Variants in NYNRIN observed in about 807,000 individuals in gnomAD.
The protein encoded by NYNRIN is protein NYNRIN.
NYNRIN carries 86 observed loss-of-function variants against 146.6 expected under a neutral mutation model. The ratio of observed to expected loss-of-function variants is 0.59; its 90% CI spans 0.49 to 0.70. NYNRIN has a LOEUF of 0.70. NYNRIN is among the 30% of genes least tolerant of loss of function. The probability of loss-of-function intolerance (pLI) is 0.00; values close to 1 mark genes in which losing one functional copy is unlikely to be tolerated. For missense variants in NYNRIN, 2,191 were observed against 2,377.7 expected (o/e 0.92, Z 1.63); for synonymous variants, 1,027 against 1,001.3 (o/e 1.03, Z -0.48).
rs1327837666 is a variant in NYNRIN at position 24,414,745 on chromosome 14, G to T, written c.2996G>T (p.Arg999Met). The T allele has an allele frequency of 6.2e-7, 1 of 1,613,724 alleles. No individual in the cohort carries two copies. Among genetic ancestry groups the T allele is most frequent in the Admixed American group, 1.7e-5 (1 of 59,998 alleles). Residue 999 changes from arginine (R) to methionine (M), a missense_variant, in exon 9 of 9, where the codon AGG becomes ATG. Physicochemically the swap from Arg to Met is moderately conservative, Grantham distance 91 (BLOSUM62 -1). Around this residue, in one of 3 missense-constraint regions of NYNRIN, gnomAD observed 1,291 missense variants for 1,417.0 expected, o/e 0.91. Coordinates refer to ENST00000382554, the MANE Select transcript of NYNRIN (RefSeq NM_025081.3). ...MEEVREEKEE[R>M]QDEEQRQGQG... ...GAAGTCAGGGAAGAGAAGGAGGAGA[G>T]GCAGGATGAGGAGCAGAGACAGGGG... is the stretch of plus-strand genomic sequence containing the variant.
intron 2 of NYNRIN, among the ~76,000 whole-genome samples, chr14:24,401,006 C>A (rs1221390880): frequency 1.3e-5 from 2 of 152,180 alleles, no homozygotes; most frequent in East Asian, 3.9e-4. Flanking sequence ...CCAGGTTGGT[C>A]TTGAACTCCT....
chr14:24,412,693 TGA>T (rs1017020464), intron 6 of NYNRIN: 76 of 249,164 alleles, frequency 3.1e-4, no homozygotes, highest in African/African-American at 1.7e-3. Flanking sequence ...TGGACGAATG[TGA>T]GTTTCTGTGT....
chr14:24,417,811 T>G lies in NYNRIN; in HGVS notation c.*365T>G. 4.5e-6 allele frequency: 1 copy of G among 219,824 alleles called. No homozygotes were observed. Among genetic ancestry groups the G allele is most frequent in the Non-Finnish European group, 9.0e-6 (1 of 111,204 alleles). The allele number at this position is 219,824 out of a possible 1,614,324, so 13.6% of individuals were successfully genotyped here. A position where few individuals can be genotyped will look rare whatever the true frequency, so the allele number is the denominator to read the frequency against. ...GTGCACACACACTCACGAAAGAATC[T>G]ATCTTGGCCATGAAACTGTGGCTGT... On this transcript the variant is annotated 3_prime_UTR_variant, in exon 9 of 9. Coordinates refer to ENST00000382554, the MANE Select transcript of NYNRIN (RefSeq NM_025081.3).
At position 24,409,684 on chromosome 14, in the gene NYNRIN, G is replaced by A. The variant is rs867633221; in HGVS notation, c.1890G>A (p.Met630Ile). ...TTPKTPQAQK[M>I]PVAKTSPAGP... Reference sequence around the variant, plus strand: ...CAAAAACTCCCCAGGCTCAGAAGATGCCTGTAGCAAAAACATCACCTGCAG... The same window carrying A: ...CAAAAACTCCCCAGGCTCAGAAGATACCTGTAGCAAAAACATCACCTGCAG... Residue 630 changes from methionine to isoleucine, a missense_variant, in exon 4 of 9, where the codon ATG (methionine) becomes ATA (isoleucine). Physicochemically the swap from Met to Ile is conservative, Grantham distance 10. This residue lies in a region of NYNRIN where 895 missense variants were observed against 941.2 expected (regional missense o/e 0.95). Transcript: ENST00000382554. 5 of 1,606,188 alleles carry A rather than the reference G, an allele frequency of 3.1e-6. No individual in the cohort carries two copies. Among genetic ancestry groups the A allele is most frequent in the Middle Eastern group, 3.3e-4 (2 of 6,050 alleles).
chr14:24,408,396 A>G lies in NYNRIN; in HGVS notation c.726A>G (p.Gly242=), dbSNP rs746311811. The part of the protein sequence containing the change: ...PAMVSVGESP[G]PFVDMGTLQN... ...TGGTGTCCGTGGGAGAGAGTCCTGG[A>G]CCCTTTGTGGACATGGGGACCCTCC... Residue 242 remains glycine (G), a synonymous_variant, in exon 3 of 9, where the codon GGA becomes GGG. Transcript: ENST00000382554. 1.9e-6 allele frequency: 3 copies of G among 1,613,754 alleles called. No homozygotes were observed. The Admixed American group carries it at 5.0e-5, about 27-fold the overall frequency.
At position 24,411,466 on chromosome 14, in the gene NYNRIN, G is replaced by C. The variant is rs747056170; in HGVS notation, c.2642+16G>C. On this transcript the variant is annotated intron_variant, in intron 6 of 8. Transcript: ENST00000382554. This position sits in a 1 kb window ranked among gnomAD's most constrained non-coding sequence, Gnocchi z 4.3. ...ACGATTATAGGTGTGCCGGTCCCCA[G>C]GCCTGCCCTCCTGGGCTCAGGGAGT... 1 of 1,610,222 alleles carries C rather than the reference G, an allele frequency of 6.2e-7. No homozygotes were observed. Among genetic ancestry groups the C allele is most frequent in the Non-Finnish European group, 8.5e-7 (1 of 1,176,478 alleles).
chr14:24,417,331 A>G lies in NYNRIN; in HGVS notation c.5582A>G (p.Tyr1861Cys), dbSNP rs776736984. 4 of 1,610,332 alleles carry G rather than the reference A, an allele frequency of 2.5e-6. No homozygotes were observed. Among genetic ancestry groups the G allele is most frequent in the African/African-American group, 1.3e-5 (1 of 74,888 alleles). ...YIGDRLSLSL[Y>C]RIWGFPTPEK... ...GGGGACCGGCTGAGCCTGTCACTCTATAGGATATGGGGCTTCCCAACCCCA... is the reference window on the plus strand; with the variant it reads ...GGGGACCGGCTGAGCCTGTCACTCTGTAGGATATGGGGCTTCCCAACCCCA... Residue 1861 changes from tyrosine (Y) to cysteine (C), a missense_variant, in exon 9 of 9, where the codon TAT becomes TGT. Tyr to Cys is a radical substitution (Grantham distance 194, BLOSUM62 -2). Coordinates refer to ENST00000382554, the MANE Select transcript of NYNRIN (RefSeq NM_025081.3).
chr14:24,411,236 A>G lies in NYNRIN; in HGVS notation c.2545+30A>G. On this transcript the variant is annotated intron_variant, in intron 5 of 8. Transcript: ENST00000382554. The surrounding 1 kb of genome is among the most constrained non-coding windows in gnomAD (Gnocchi z 4.3). ...GGTGTCCCCTGCCTGCCCAGCCTCC[A>G]CAGTGTCACCAAGCTTTCTTCTCTC... is the stretch of plus-strand genomic sequence containing the variant. The G allele has an allele frequency of 6.2e-7, 1 of 1,610,010 alleles. No homozygotes were observed. Among genetic ancestry groups the G allele is most frequent in the Non-Finnish European group, 8.5e-7 (1 of 1,178,024 alleles).
chr14:24,409,971 A>G lies in NYNRIN; in HGVS notation c.2177A>G (p.Gln726Arg). 6.2e-7 allele frequency: 1 copy of G among 1,613,816 alleles called. No individual in the cohort carries two copies. The highest frequency in any genetic ancestry group is 8.5e-7 in the Non-Finnish European group (1 of 1,179,784). The change falls in exon 4 of 9, where the codon CAG becomes CGG. Residue 726 changes from glutamine (Q) to arginine (R), a missense_variant. By Grantham distance (43) the Gln-to-Arg change is conservative. Transcript: ENST00000382554. ...GQGQAGRQGP[Q>R]SSGTLALSSK... ...GGGCAGGCTGGAAGGCAGGGTCCCC[A>G]GTCCAGTGGCACCTTGGCCCTCAGC...
rs536044848 is a variant in NYNRIN, at chr14:24,412,396, C to G, written c.2643-601C>G. Among the ~76,000 whole-genome samples, 11 of 152,276 alleles carry G rather than the reference C, an allele frequency of 7.2e-5. No homozygotes were observed. In the South Asian group the frequency reaches 1.2e-3, roughly 17 times the overall value. ...TGCTTTCTTTCCTGGTCACAGCCCT[C>G]TTTAGAGGAGAGGTGATCCTTGGAA... On this transcript the variant is annotated intron_variant, in intron 6 of 8. Transcript: ENST00000382554.
At chr14:24,407,057 G>A (rs1168680692) in intron 2 of NYNRIN, among the ~76,000 whole-genome samples, 1 of 152,224 alleles carries the variant, frequency 6.6e-6, no homozygotes, top group Admixed American at 6.5e-5. Context: ...GGGCAACAGA[G>A]TTACTATGAT....
chr14:24,417,595 T>G lies in NYNRIN; in HGVS notation c.*149T>G. The stretch of plus-strand genomic sequence containing the variant: ...CTTCATAAAGCTTTGCTGAATTGCC[T>G]TGAACTAGGGACCAGCATCCCCATG... On this transcript the variant is annotated 3_prime_UTR_variant, in exon 9 of 9. Coordinates refer to ENST00000382554, the MANE Select transcript of NYNRIN (RefSeq NM_025081.3). 2 of 1,145,520 alleles carry G rather than the reference T, an allele frequency of 1.7e-6. No individual in the cohort carries two copies. The highest frequency in any genetic ancestry group is 2.3e-6 in the Non-Finnish European group (2 of 867,062). The allele number at this position is 1,145,520 out of a possible 1,614,324, so 71.0% of individuals were successfully genotyped here.
chr14:24,415,587 G>C lies in NYNRIN; in HGVS notation c.3838G>C (p.Gly1280Arg). 3.1e-6 allele frequency: 5 copies of C among 1,613,930 alleles called. No individual in the cohort carries two copies. The highest frequency in any genetic ancestry group is 4.2e-6 in the Non-Finnish European group (5 of 1,179,872). ...LELALLQGLLGENRLLTPAAS... is the reference protein window; with the variant it reads ...LELALLQGLLRENRLLTPAAS... ...ATTGGCCCTCCTCCAGGGCCTGCTG[G>C]GGGAGAACCGCCTGCTCACCCCCGC... Residue 1280 changes from glycine (G) to arginine (R), a missense_variant, in exon 9 of 9, where the codon GGG (glycine) becomes CGG (arginine). Physicochemically the swap from Gly to Arg is moderately radical, Grantham distance 125 (BLOSUM62 -2). This residue lies in a region of NYNRIN where 1,291 missense variants were observed against 1,417.0 expected (regional missense o/e 0.91). Coordinates refer to ENST00000382554, the MANE Select transcript of NYNRIN (RefSeq NM_025081.3).
At position 24,416,279 on chromosome 14, in the gene NYNRIN, C is replaced by G. The variant is rs370252526; in HGVS notation, c.4530C>G (p.Ala1510=). 5.1e-5 allele frequency: 82 copies of G among 1,613,894 alleles called. 1 individual carries two copies. The African/African-American group carries it at 9.1e-4, about 18-fold the overall frequency. Residue 1510 remains alanine, a synonymous_variant, in exon 9 of 9, where the codon GCC becomes GCG. Coordinates refer to ENST00000382554, the MANE Select transcript of NYNRIN (RefSeq NM_025081.3). ...KLSGSSPFSS[A]FNSLSLDKES... is the part of the protein sequence containing the mutation. ...CTGGCTCCTCACCGTTTAGTTCTGCCTTTAACTCACTCAGCCTCGACAAGG... is the reference window on the plus strand; with the variant it reads ...CTGGCTCCTCACCGTTTAGTTCTGCGTTTAACTCACTCAGCCTCGACAAGG...
chr14:24,402,904 C>T (rs1459641961), intron 2 of NYNRIN, among the ~76,000 whole-genome samples: 1 of 152,230 alleles, frequency 6.6e-6, no homozygotes, highest in Non-Finnish European at 1.5e-5. Context: ...CTCCCAATTC[C>T]TCCTTCAGTA....
Position 24,416,104 on chromosome 14 carries a change from G to A in NYNRIN, c.4355G>A (p.Gly1452Asp), listed in dbSNP as rs769561880. ...CTGGCCAAGCAGGGTGCCCAGGGGG[G>A]TGGGCAGTGGTGGAGTTTGCCAAAG... is the stretch of plus-strand genomic sequence containing the variant. The part of the protein sequence containing the change: ...DTLAKQGAQG[G>D]GQWWSLPKDV... Residue 1452 changes from glycine to aspartate, a missense_variant, in exon 9 of 9, where the codon GGT becomes GAT. Gly to Asp is a moderately conservative substitution (Grantham distance 94). This residue lies in a region of NYNRIN where 1,291 missense variants were observed against 1,417.0 expected (regional missense o/e 0.91). Coordinates refer to ENST00000382554, the MANE Select transcript of NYNRIN (RefSeq NM_025081.3). The A allele has an allele frequency of 1.2e-6, 2 of 1,613,876 alleles. No homozygotes were observed. The highest frequency in any genetic ancestry group is 1.7e-6 in the Non-Finnish European group (2 of 1,179,870).
intron 2 of NYNRIN, among the ~76,000 whole-genome samples, chr14:24,401,948 C>T (rs190888150): frequency 1.8e-4 from 27 of 152,270 alleles, no homozygotes; most frequent in African/African-American, 6.5e-4. Context: ...TGTAGGGACA[C>T]AGAATCATGC....
In NYNRIN at chr14:24,411,443, G is replaced by A. The variant is rs2042912306; in HGVS notation, c.2635G>A (p.Asp879Asn). 1 of 1,613,262 alleles carries A rather than the reference G, an allele frequency of 6.2e-7. No individual in the cohort carries two copies. The highest frequency in any genetic ancestry group is 8.5e-7 in the Non-Finnish European group (1 of 1,179,220). Residue 879 changes from aspartate (D) to asparagine (N), a missense_variant, in exon 6 of 9, where the codon GAT becomes AAT. Asp to Asn is a conservative substitution (Grantham distance 23). Transcript: ENST00000382554. This position sits in a 1 kb window ranked among gnomAD's most constrained non-coding sequence, Gnocchi z 4.3. ...LENGKKITTY[D>N]YRFMVKLAEE... ...GAATGGCAAGAAGATCACCACCTAC[G>A]ATTATAGGTGTGCCGGTCCCCAGGC...
chr14:24,409,203 A>G lies in NYNRIN; in HGVS notation c.1409A>G (p.Asp470Gly), dbSNP rs745524157. ...LVVPGSSDVK[D>G]KVSSDLPQIG... ...GTCCCTGGGAGCTCAGATGTAAAAG[A>G]CAAAGTTAGCTCGGATCTCCCACAG... The change falls in exon 4 of 9, where the codon GAC (aspartate) becomes GGC (glycine). Residue 470 changes from aspartate (D) to glycine (G), a missense_variant. This residue lies in a region of NYNRIN where 895 missense variants were observed against 941.2 expected (regional missense o/e 0.95). Transcript: ENST00000382554. 3 of 1,613,924 alleles carry G rather than the reference A, an allele frequency of 1.9e-6. No homozygotes were observed. Among genetic ancestry groups the G allele is most frequent in the Non-Finnish European group, 1.7e-6 (2 of 1,179,842 alleles).
Sources: allele counts gnomAD v4.1 joint callset (sites outside exome capture counted in the v4.1 genomes callset), GRCh38; gene constraint gnomAD v4.1.1; regional missense constraint gnomAD v4.1.1; non-coding constraint Gnocchi (gnomAD v3.1); transcripts MANE v1.5; gene names NCBI Gene and HGNC (gene_info 2026-07-23, HGNC 2026-07-21).